Variants in EMC4 observed in about 807,000 individuals in gnomAD.
The protein encoded by EMC4 is ER membrane protein complex subunit 4.
In EMC4, 9 loss-of-function variants were observed where a neutral mutation model predicts 24.2. That is an observed-to-expected ratio of 0.37 (90% CI 0.22 to 0.65). The LOEUF is 0.65. Ranked by LOEUF, EMC4 falls within the 30% of genes least tolerant of loss-of-function variation. The probability of loss-of-function intolerance (pLI) is 0.59; values close to 1 mark genes in which losing one functional copy is unlikely to be tolerated. For synonymous variants in EMC4, 86 were observed against 81.1 expected (o/e 1.06, Z -0.32); for missense variants, 169 against 234.6 (o/e 0.72, Z 1.83).
chr15:34,228,285 C>T, intron 3 of EMC4, 144 bp from the exon 4 acceptor site: 1 of 786,764 alleles, frequency 1.3e-6, no homozygotes, highest in Non-Finnish European at 2.0e-6. Context: ...GAGTGTAGTG[C>T]TTACCATGGT....
intron 1 of EMC4, 59 bp downstream of exon 1, chr15:34,225,259 G>T: frequency 7.3e-7 from 1 of 1,373,592 alleles, no homozygotes; most frequent in South Asian, 1.4e-5. Context: ...CCAGAGTAAT[G>T]AGACCTGAGC....
chr15:34,226,420 C>T (rs1890651791), intron 2 of EMC4: 1 of 152,728 alleles, frequency 6.5e-6, no homozygotes, highest in South Asian at 2.0e-4. Flanking sequence ...AAATTATTTT[C>T]ATTTATTTTT....
rs1354139254 is a variant in EMC4, at chr15:34,229,831, T to C, written c.*43T>C. 6.2e-6 allele frequency: 10 copies of C among 1,603,232 alleles called. No homozygotes were observed. The highest frequency in any genetic ancestry group is 8.5e-6 in the Non-Finnish European group (10 of 1,170,240). ...CTGGTCCCTATGTATTTGGGTCTTA[T>C]TTACATCCTTCTTTAAGCCCAGTGG... On this transcript the variant is annotated 3_prime_UTR_variant, in exon 5 of 5. Transcript: ENST00000267750.
intron 1 of EMC4, among the ~76,000 whole-genome samples, 156 bp downstream of exon 1, chr15:34,225,356 T>A (rs577733610): frequency 7.9e-5 from 12 of 152,350 alleles, no homozygotes; most frequent in African/African-American, 2.6e-4. Flanking sequence ...GTTTCTCTGC[T>A]CAAACAATGC....
chr15:34,225,808 C>A (rs111556114), intron 2 of EMC4, 158 bp downstream of exon 2: 13,627 of 696,324 alleles, frequency 0.02, 186 homozygotes, highest in Middle Eastern at 0.034. Context: ...ATATCAGCTA[C>A]AAAAGTGCTT....
chr15:34,228,686 C>CTTTTTT, intron 4 of EMC4, 97 bp downstream of exon 4: 2 of 300,988 alleles, frequency 6.6e-6, no homozygotes, highest in African/African-American at 4.1e-5. Context: ...ATTTGAGTTT[C>CTTTTTT]TTTTTTTTTT....
At chr15:34,227,358 G>T in intron 2 of EMC4, 1 of 183,644 alleles carries the variant, frequency 5.4e-6, no homozygotes, top group Non-Finnish European at 1.2e-5. Context: ...CCCATTATGT[G>T]GATTTATCTA....
At chr15:34,227,533 G>A in intron 2 of EMC4, 160 bp from the exon 3 acceptor site, 2 of 659,354 alleles carry the variant, frequency 3.0e-6, no homozygotes, top group Non-Finnish European at 5.2e-6. Context: ...GAGCCTTCCT[G>A]TGGCAACGTG....
intron 4 of EMC4, chr15:34,229,052 A>T (rs7167503): frequency 0.77 from 122,589 of 160,080 alleles, 48,857 homozygotes; most frequent in East Asian, 0.97. Context: ...TTAATTAATT[A>T]ATTTATTTAT....
At chr15:34,227,493 G>A in intron 2 of EMC4, 200 bp from the exon 3 acceptor site, 1 of 502,732 alleles carries the variant, frequency 2.0e-6, no homozygotes, top group South Asian at 2.8e-5. Context: ...AGGCATAACA[G>A]ATGGTAAGGA....
intron 2 of EMC4, 48 bp from the exon 3 acceptor site, chr15:34,227,645 G>A: frequency 6.3e-7 from 1 of 1,586,786 alleles, no homozygotes; most frequent in Non-Finnish European, 8.6e-7. Context: ...GGCAAATGTG[G>A]GACTAAGGGT....
Position 34,227,788 on chromosome 15 carries a change from T to C in EMC4, c.297T>C (p.Thr99=). The C allele has an allele frequency of 1.2e-6, 2 of 1,614,062 alleles. No homozygotes were observed. The highest frequency in any genetic ancestry group is 1.7e-6 in the Non-Finnish European group (2 of 1,179,916). Residue 99 remains threonine (T), a synonymous_variant, in exon 3 of 5, where the codon ACT becomes ACC. Transcript: ENST00000267750. ...MAGNTISIFP[T]MMVCMMAWRP... is the part of the protein sequence containing the mutation. Reference sequence around the variant, plus strand: ...GCAATACTATCTCCATCTTCCCTACTATGATGGTGTGTATGATGGCCTGGC... The same window carrying C: ...GCAATACTATCTCCATCTTCCCTACCATGATGGTGTGTATGATGGCCTGGC...
intron 2 of EMC4, 61 bp from the exon 3 acceptor site, chr15:34,227,632 T>C: frequency 6.4e-7 from 1 of 1,553,084 alleles, no homozygotes; most frequent in Non-Finnish European, 8.8e-7. Context: ...GCATCAGTGA[T>C]ATGGCAAATG....
intron 4 of EMC4, 89 bp downstream of exon 4, chr15:34,228,678 T>C: frequency 9.9e-7 from 1 of 1,014,930 alleles, no homozygotes; most frequent in Non-Finnish European, 1.4e-6. Flanking sequence ...GAGTTGGTAT[T>C]TGAGTTTCTT....
In EMC4 at chr15:34,225,624, GAGAC is replaced by G. The variant is rs776886835; in HGVS notation, c.180_183del (p.Asp61GlyfsTer21). The G allele has an allele frequency of 6.2e-7, 1 of 1,614,100 alleles. No individual in the cohort carries two copies. On this transcript the variant is annotated frameshift_variant, in exon 2 of 5. Transcript: ENST00000267750. LOFTEE classifies it high-confidence loss of function. The stretch of plus-strand genomic sequence containing the variant: ...GCAAGTGCCTGATACCAGCGTGCAA[GAGAC>G]AGACCGGATCCTGGTGGAGAAGGTA...
chr15:34,228,761 G>A lies in EMC4; in HGVS notation c.516+172G>A, dbSNP rs564427044. 5.0e-5 allele frequency: 25 copies of A among 495,500 alleles called. No individual in the cohort carries two copies. The Middle Eastern group carries it at 1.7e-3, about 34-fold the overall frequency. The allele number at this position is 495,500 out of a possible 1,614,324, so 30.7% of individuals were successfully genotyped here. A position where few individuals can be genotyped will look rare whatever the true frequency, so the allele number is the denominator to read the frequency against. ...GGCTGGAGTGCAGTGGCATGATCTC[G>A]GCAACCTCCGCCTCCTGGGTTCAAG... On this transcript the variant is annotated intron_variant, in intron 4 of 4. Transcript: ENST00000267750.
chr15:34,225,324 T>C (rs1890620350), intron 1 of EMC4, 124 bp downstream of exon 1: 8 of 931,060 alleles, frequency 8.6e-6, no homozygotes, highest in Non-Finnish European at 1.3e-5. Flanking sequence ...CCTGGGGAGG[T>C]AGCGGCTTTT....
chr15:34,225,633 C>T lies in EMC4; in HGVS notation c.184C>T (p.Arg62Trp). ...VPDTSVQETD[R>W]ILVEKRCWDI... is the part of the protein sequence containing the mutation. ...TGATACCAGCGTGCAAGAGACAGAC[C>T]GGATCCTGGTGGAGAAGGTACAGAG... Residue 62 changes from arginine to tryptophan, a missense_variant, in exon 2 of 5, where the codon CGG becomes TGG. Coordinates refer to ENST00000267750, the MANE Select transcript of EMC4 (RefSeq NM_016454.4). 1 of 1,613,808 alleles carries T rather than the reference C, an allele frequency of 6.2e-7. No individual in the cohort carries two copies.
intron 2 of EMC4, chr15:34,227,087 A>C (rs1566789777): frequency 6.6e-6 from 1 of 151,460 alleles, no homozygotes; most frequent in East Asian, 1.9e-4. Flanking sequence ...CATTGTAGTC[A>C]AAGAATATGT....
Sources: gnomAD v4.1 joint callset for allele counts (sites outside exome capture counted in the v4.1 genomes callset) on GRCh38, gnomAD v4.1.1 for gene constraint, MANE v1.5 for transcripts, NCBI Gene and HGNC (gene_info 2026-07-23, HGNC 2026-07-21) for gene names.